The following TAB2 variants were observed in gnomAD, a reference collection of about 807,000 sequenced individuals.
The protein encoded by TAB2 is TGF-beta-activated kinase 1 and MAP3K7-binding protein 2.
Under a neutral mutation model 65.0 loss-of-function variants are expected in TAB2, and 3 were observed. That is an observed-to-expected ratio of 0.05 (90% CI 0.02 to 0.12). The LOEUF (loss-of-function observed/expected upper bound fraction) is 0.12, where lower values mean the gene tolerates loss of function less well. TAB2 is among the 10% of genes least tolerant of loss of function. TAB2 has a pLI of 1.00. For synonymous variants in TAB2, 298 were observed against 285.1 expected (o/e 1.05, Z -0.46); for missense variants, 623 against 840.3 (o/e 0.74, Z 3.20).
intron 1 of TAB2, among the ~76,000 whole-genome samples, chr6:149,226,756 T>C (rs1351689133): frequency 6.6e-6 from 1 of 152,238 alleles, no homozygotes; most frequent in Admixed American, 6.5e-5. Flanking sequence ...CTAATATCAA[T>C]GTACTTTTAT....
At chr6:149,254,446 C>T (rs1205440686) in intron 1 of TAB2, among the ~76,000 whole-genome samples, 1 of 152,176 alleles carries the variant, frequency 6.6e-6, no homozygotes, top group East Asian at 1.9e-4. Context: ...GGTCATATGA[C>T]GACTGTTTCT....
intron 1 of TAB2, among the ~76,000 whole-genome samples, chr6:149,268,964 C>T (rs1047145848): frequency 6.6e-6 from 1 of 151,984 alleles, no homozygotes; most frequent in Admixed American, 6.6e-5. Flanking sequence ...GAGCTGGAAA[C>T]CCTCCAAATC....
chr6:149,405,030 A>G lies in TAB2; in HGVS notation c.1940-4547A>G, dbSNP rs561223319. Among the ~76,000 whole-genome samples, 65 of 152,352 alleles carry G rather than the reference A, an allele frequency of 4.3e-4. 3 individuals are homozygous for G. The South Asian group carries it at 0.013, about 32-fold the overall frequency. ...ACTATTTAACTCCTAAAGGGTTTAT[A>G]TTCAAAATGTATAAGGAACTCATGC... On this transcript the variant is annotated intron_variant, in intron 6 of 6. Transcript: ENST00000637181.
intron 1 of TAB2, among the ~76,000 whole-genome samples, chr6:149,249,864 A>C (rs1777824310): frequency 1.3e-5 from 2 of 152,194 alleles, no homozygotes; most frequent in Admixed American, 6.5e-5. Flanking sequence ...ACTACTACTA[A>C]TAATAAAATT....
chr6:149,343,379 G>A (rs1209284656), intron 1 of TAB2, among the ~76,000 whole-genome samples: 2 of 151,572 alleles, frequency 1.3e-5, no homozygotes, highest in Admixed American at 6.6e-5. Context: ...CCTGAAGCAC[G>A]AGAATCACTT....
At chr6:149,310,281 G>A (rs1042661983) in intron 1 of TAB2, among the ~76,000 whole-genome samples, 4 of 152,140 alleles carry the variant, frequency 2.6e-5, no homozygotes, top group Non-Finnish European at 5.9e-5. Context: ...AGGTTGCAGT[G>A]AAGGGAGATC....
chr6:149,287,010 G>A (rs762706661), intron 1 of TAB2, among the ~76,000 whole-genome samples: 25 of 152,100 alleles, frequency 1.6e-4, no homozygotes, highest in Non-Finnish European at 2.8e-4. Flanking sequence ...TCAGCTACTC[G>A]GGAGGCTCAG....
At chr6:149,316,291 T>C (rs1779250316), upstream of TAB2, among the ~76,000 whole-genome samples, 1 of 152,200 alleles carries the variant, frequency 6.6e-6, no homozygotes. Flanking sequence ...TTTGAATTGG[T>C]GCTATAGCCC....
At position 149,409,884 on chromosome 6, in the gene TAB2, C is replaced by T. The variant is rs1224740857; in HGVS notation, c.*165C>T. ...TCAGCCCACAGAGCTAATAATACCT[C>T]AGTATAATGTCATGAGCAGTTGAAA... On this transcript the variant is annotated 3_prime_UTR_variant, in exon 7 of 7. Coordinates refer to ENST00000637181, the MANE Select transcript of TAB2 (RefSeq NM_001292034.3). 2 of 752,788 alleles carry T rather than the reference C, an allele frequency of 2.7e-6. No homozygotes were observed. Among genetic ancestry groups the T allele is most frequent in the Non-Finnish European group, 4.4e-6 (2 of 451,316 alleles). 46.6% of individuals were successfully genotyped at this position (752,788 alleles called of 1,614,324 possible). A position where few individuals can be genotyped will look rare whatever the true frequency, so the allele number is the denominator to read the frequency against.
chr6:149,240,298 T>C (rs913357517), intron 1 of TAB2, among the ~76,000 whole-genome samples: 1 of 152,138 alleles, frequency 6.6e-6, no homozygotes, highest in Non-Finnish European at 1.5e-5. Flanking sequence ...GCCTTCAGTC[T>C]GAATGTCCCT....
chr6:149,236,125 T>C (rs550182886), intron 1 of TAB2, among the ~76,000 whole-genome samples: 171 of 152,254 alleles, frequency 1.1e-3, no homozygotes, highest in African/African-American at 3.9e-3. Flanking sequence ...AAATTACCTA[T>C]TGGGGACAGT....
At chr6:149,371,090 A>AAAAAAAT (rs71010864) in intron 2 of TAB2, among the ~76,000 whole-genome samples, 3 of 132,676 alleles carry the variant, frequency 2.3e-5, no homozygotes, top group South Asian at 2.5e-4. Flanking sequence ...AAAAAAAAAA[A>AAAAAAAT]GTGTCCGGGG....
At chr6:149,399,603 A>G (rs1048146146) in intron 6 of TAB2, among the ~76,000 whole-genome samples, 2 of 150,810 alleles carry the variant, frequency 1.3e-5, no homozygotes, top group Admixed American at 1.3e-4. Context: ...ATTCCAGGTG[A>G]ATAGTTTTCT....
chr6:149,377,311 G>C (rs866500965), intron 2 of TAB2, among the ~76,000 whole-genome samples: 1 of 151,316 alleles, frequency 6.6e-6, no homozygotes, highest in Non-Finnish European at 1.5e-5. Context: ...CACCCGCCTC[G>C]GCCTCCCAAA....
intron 2 of TAB2, among the ~76,000 whole-genome samples, chr6:149,371,272 A>G (rs547044372): frequency 2.0e-5 from 3 of 152,026 alleles, no homozygotes; most frequent in Non-Finnish European, 2.9e-5. Flanking sequence ...GGTCTCTCCA[A>G]TCTATCCTCT....
chr6:149,350,291 T>C (rs1780448017), intron 1 of TAB2, among the ~76,000 whole-genome samples: 1 of 152,062 alleles, frequency 6.6e-6, no homozygotes, highest in South Asian at 2.1e-4. Flanking sequence ...TTTTAAGAGG[T>C]AAATAGGATT....
At chr6:149,337,395 G>A (rs1779967861) in intron 1 of TAB2, among the ~76,000 whole-genome samples, 2 of 152,178 alleles carry the variant, frequency 1.3e-5, no homozygotes, top group Admixed American at 6.5e-5. Flanking sequence ...CAGACTGCCA[G>A]AGGGATTCAT....
chr6:149,244,056 C>G (rs141007611), intron 1 of TAB2: 1 of 152,354 alleles, frequency 6.6e-6, no homozygotes, highest in Non-Finnish European at 1.5e-5. Context: ...AAGCACATAA[C>G]TTCAGTTTGG....
At chr6:149,396,929 C>A (rs34424737) in intron 3 of TAB2, among the ~76,000 whole-genome samples, 117 of 152,242 alleles carry the variant, frequency 7.7e-4, no homozygotes, top group African/African-American at 2.8e-3. Context: ...CATTCATAGA[C>A]CAAACATGAC....
Sources: gnomAD v4.1 joint callset for allele counts (sites outside exome capture counted in the v4.1 genomes callset) on GRCh38, gnomAD v4.1.1 for gene constraint, MANE v1.5 for transcripts, NCBI Gene and HGNC (gene_info 2026-07-23, HGNC 2026-07-21) for gene names.